KDM3B: variants seen among roughly 807,000 people sequenced by gnomAD.
KDM3B encodes the protein lysine demethylase 3B.
In KDM3B, 10 loss-of-function variants were observed where a neutral mutation model predicts 170.0. That is an observed-to-expected ratio of 0.06 (90% CI 0.04 to 0.10). The LOEUF (loss-of-function observed/expected upper bound fraction) is 0.10, where lower values mean the gene tolerates loss of function less well. Ranked by LOEUF, KDM3B falls within the 10% of genes least tolerant of loss-of-function variation. The pLI is 1.00. For missense variants in KDM3B, 1,394 were observed against 2,195.2 expected (o/e 0.64, Z 7.29); for synonymous variants, 831 against 834.8 (o/e 1.00, Z 0.08).
intron 11 of KDM3B, among the ~76,000 whole-genome samples, chr5:138,405,262 TG>T (rs1366131866): frequency 6.8e-6 from 1 of 145,992 alleles, no homozygotes; most frequent in Non-Finnish European, 1.5e-5. Context: ...AGGCTGGTCT[TG>T]AACTCCTGAT....
At chr5:138,416,588 C>CAAAAA (rs545925296) in intron 12 of KDM3B, among the ~76,000 whole-genome samples, 9 of 84,108 alleles carry the variant, frequency 1.1e-4, no homozygotes, top group Non-Finnish European at 1.6e-4. Context: ...GACTCTGTCT[C>CAAAAA]AAAAAAAAAA....
Position 138,436,585 on chromosome 5 carries a change from T to C in KDM3B, c.*885T>C, listed in dbSNP as rs577983605. ...GGAACAGTCATATGAGAAGGAACTT[T>C]GTCACATCTAAGCTGTGGTGTGTTC... On this transcript the variant is annotated 3_prime_UTR_variant, in exon 24 of 24. Coordinates refer to ENST00000314358, the MANE Select transcript of KDM3B (RefSeq NM_016604.4). 1.3e-5 allele frequency: 2 copies of C among 152,338 alleles called. No individual in the cohort carries two copies. The highest frequency in any genetic ancestry group is 3.9e-4 in the East Asian group (2 of 5,188). The allele number at this position is 152,338 out of a possible 1,614,324, so 9.4% of individuals were successfully genotyped here.
chr5:138,430,800 GA>G (rs528231066), intron 22 of KDM3B, among the ~76,000 whole-genome samples: 36 of 152,202 alleles, frequency 2.4e-4, no homozygotes, highest in African/African-American at 7.7e-4. Context: ...TGAGGCAGGA[GA>G]ATCGCTTGAA....
At chr5:138,415,110 A>T (rs775635244) in intron 11 of KDM3B, 22 bp from the exon 12 acceptor site, 24 of 1,522,544 alleles carry the variant, frequency 1.6e-5, no homozygotes, top group Non-Finnish European at 2.2e-5. Context: ...TTATAAAATA[A>T]GTGAAATCAT....
rs982320424 is a variant in KDM3B, at chr5:138,379,655, G to A, written c.652G>A (p.Val218Ile). The A allele has an allele frequency of 6.2e-6, 10 of 1,613,304 alleles. No individual in the cohort carries two copies. The highest frequency in any genetic ancestry group is 8.5e-6 in the Non-Finnish European group (10 of 1,179,394). ...GGGGGAAGAAGGGTGGCTCTATGGT[G>A]TTGTGAGCCATCAGGACTCCATCAC... ...PEGEEGWLYG[V>I]VSHQDSITRL... is the part of the protein sequence containing the mutation. The change falls in exon 5 of 24, where the codon GTT becomes ATT. Residue 218 changes from valine to isoleucine, a missense_variant. Around this residue, in one of 19 missense-constraint regions of KDM3B, gnomAD observed 166 missense variants for 216.4 expected, o/e 0.77. Coordinates refer to ENST00000314358, the MANE Select transcript of KDM3B (RefSeq NM_016604.4).
chr5:138,429,675 G>T, intron 20 of KDM3B, 151 bp from the exon 21 acceptor site: 1 of 767,418 alleles, frequency 1.3e-6, no homozygotes, highest in Non-Finnish European at 2.1e-6. Flanking sequence ...TGTGTAGGGA[G>T]CTTAGACCAG....
chr5:138,372,644 G>T, intron 1 of KDM3B, 30 bp from the exon 2 acceptor site: 2 of 1,592,270 alleles, frequency 1.3e-6, no homozygotes, highest in South Asian at 2.3e-5. Context: ...TTCCAAGTGT[G>T]ACTTCCAAAC....
chr5:138,375,042 T>A, intron 2 of KDM3B, 51 bp from the exon 3 acceptor site: 1 of 935,968 alleles, frequency 1.1e-6, no homozygotes, highest in Non-Finnish European at 1.8e-6. Context: ...TTTGAATTGC[T>A]GTTTTTTTAT....
chr5:138,415,418 C>T (rs1456882471), intron 12 of KDM3B, among the ~76,000 whole-genome samples, 179 bp downstream of exon 12: 1 of 151,686 alleles, frequency 6.6e-6, no homozygotes, highest in Non-Finnish European at 1.5e-5. Flanking sequence ...TGAAGAGACC[C>T]TTCTGTATTA....
intron 9 of KDM3B, among the ~76,000 whole-genome samples, chr5:138,394,801 A>G (rs180875713): frequency 1.3e-5 from 2 of 152,318 alleles, no homozygotes; most frequent in African/African-American, 4.8e-5. Context: ...CCTTTTTGAG[A>G]ATAAGCTATG....
chr5:138,421,302 A>AC (rs1485962696), intron 15 of KDM3B, among the ~76,000 whole-genome samples: 40 of 152,200 alleles, frequency 2.6e-4, no homozygotes, highest in Admixed American at 1.4e-3. Context: ...GATGTCTCAA[A>AC]CCTTTAATGC....
intron 1 of KDM3B, among the ~76,000 whole-genome samples, chr5:138,356,844 A>G (rs1002342129): frequency 1.3e-5 from 2 of 151,724 alleles, no homozygotes; most frequent in Admixed American, 1.3e-4. Flanking sequence ...GGGTTTCACC[A>G]TATTGGCCAG....
chr5:138,392,367 TC>T, intron 8 of KDM3B, 106 bp downstream of exon 8: 8 of 1,189,922 alleles, frequency 6.7e-6, no homozygotes, highest in Non-Finnish European at 8.9e-6. Context: ...AGTTCTGTAA[TC>T]TCATAGAATT....
chr5:138,417,377 A>C, intron 12 of KDM3B, 106 bp from the exon 13 acceptor site: 1 of 1,115,456 alleles, frequency 9.0e-7, no homozygotes, highest in Non-Finnish European at 1.3e-6. Context: ...TACGTTATTG[A>C]AATGTGGTAA....
chr5:138,384,454 T>G (rs1317266410), intron 6 of KDM3B, among the ~76,000 whole-genome samples: 1 of 149,424 alleles, frequency 6.7e-6, no homozygotes, highest in Non-Finnish European at 1.5e-5. Context: ...ATACAAAAAT[T>G]AGGCCAGGTG....
chr5:138,391,633 C>G lies in KDM3B; in HGVS notation c.2001C>G (p.Thr667=). 5.0e-6 allele frequency: 8 copies of G among 1,614,190 alleles called. No individual in the cohort carries two copies. Among genetic ancestry groups the G allele is most frequent in the Non-Finnish European group, 6.8e-6 (8 of 1,180,042 alleles). ...GCTCCTCTTCTGCTACCACTGTCAC[C>G]TCCAAGGTGGCACCCAGCTGGCCCG... The part of the protein sequence containing the change: ...SGSSSSATTV[T]SKVAPSWPES... Residue 667 remains threonine, a synonymous_variant, in exon 8 of 24, where the codon ACC becomes ACG. Transcript: ENST00000314358. The surrounding 1 kb of genome is among the most constrained non-coding windows in gnomAD (Gnocchi z 5.0).
At chr5:138,389,107 A>C (rs965723717) in intron 7 of KDM3B, among the ~76,000 whole-genome samples, 2 of 152,282 alleles carry the variant, frequency 1.3e-5, no homozygotes, top group African/African-American at 4.8e-5. Flanking sequence ...CTCCTGGCCA[A>C]ATCCTGCCTG....
At chr5:138,388,045 C>T (rs1762325822) in intron 7 of KDM3B, among the ~76,000 whole-genome samples, 1 of 151,892 alleles carries the variant, frequency 6.6e-6, no homozygotes, top group Non-Finnish European at 1.5e-5. Flanking sequence ...TGTGCCACTG[C>T]ACTCCAGCCT....
rs114929524 is a variant in KDM3B, at chr5:138,402,513, A to C, written c.3199+2501A>C. ...ACAAAGATATCAGTACTTCCCTCAC[A>C]ACTTTGTTGTTTTGAATGAGATGTT... On this transcript the variant is annotated intron_variant, in intron 11 of 23. Transcript: ENST00000314358. 1.7e-3 allele frequency among the ~76,000 whole-genome samples: 255 copies of C among 152,264 alleles called. 2 individuals are homozygous for C. Among genetic ancestry groups the C allele is most frequent in the African/African-American group, 5.8e-3 (240 of 41,544 alleles).
Sources: gnomAD v4.1 joint callset for allele counts (sites outside exome capture counted in the v4.1 genomes callset) on GRCh38, gnomAD v4.1.1 for gene constraint, gnomAD v4.1.1 regional missense constraint, Gnocchi (gnomAD v3.1) non-coding constraint, MANE v1.5 for transcripts, NCBI Gene and HGNC (gene_info 2026-07-23, HGNC 2026-07-21) for gene names.